The following RIMS1 variants were observed in gnomAD, a reference collection of about 807,000 sequenced individuals.
RIMS1 encodes regulating synaptic membrane exocytosis protein 1.
In RIMS1, 83 loss-of-function variants were observed where a neutral mutation model predicts 214.1. The ratio of observed to expected loss-of-function variants is 0.39; its 90% CI spans 0.32 to 0.47. The LOEUF is 0.47. RIMS1 is among the 20% of genes least tolerant of loss of function. RIMS1 has a pLI of 0.99. For missense variants in RIMS1, 2,050 were observed against 2,161.8 expected, an observed-to-expected ratio of 0.95 and a Z score of 1.03; for synonymous variants, 793 against 786.8, an observed-to-expected ratio of 1.01 and a Z score of -0.13.
At chr6:72,357,837 T>C (rs1413274144) in intron 29 of RIMS1, among the ~76,000 whole-genome samples, 1 of 152,250 alleles carries the variant, frequency 6.6e-6, no homozygotes, top group Non-Finnish European at 1.5e-5. Flanking sequence ...TTATTGGTAA[T>C]TGACAATGCT....
intron 29 of RIMS1, among the ~76,000 whole-genome samples, chr6:72,342,223 T>C (rs2097115912): frequency 6.6e-6 from 1 of 151,830 alleles, no homozygotes; most frequent in Non-Finnish European, 1.5e-5. Context: ...CACTCCACTC[T>C]CCATTTTGTC....
chr6:72,108,016 G>A lies in RIMS1; in HGVS notation c.471+8030G>A, dbSNP rs189538869. ...TTGTTTGTTTGTTTTGTTTTGTTTTGTTTTATTGTGTTTTGTTTTTGAGAC... is the reference window on the plus strand; with the variant it reads ...TTGTTTGTTTGTTTTGTTTTGTTTTATTTTATTGTGTTTTGTTTTTGAGAC... On this transcript the variant is annotated intron_variant, in intron 4 of 33. Coordinates refer to ENST00000521978, the MANE Select transcript of RIMS1 (RefSeq NM_014989.7). Among the ~76,000 whole-genome samples the A allele has an allele frequency of 5.0e-4, 76 of 152,012 alleles. 1 individual carries two copies. The highest frequency in any genetic ancestry group is 3.4e-3 in the Middle Eastern group (1 of 294).
rs1343752406 is a variant in RIMS1, at chr6:72,126,380, G to T, written c.471+26394G>T. Among the ~76,000 whole-genome samples the T allele has an allele frequency of 3.9e-5, 6 of 152,094 alleles. No individual in the cohort carries two copies. In the East Asian group the frequency reaches 1.2e-3, roughly 29 times the overall value. On this transcript the variant is annotated intron_variant, in intron 4 of 33. Transcript: ENST00000521978. ...AGTTTGGCAAAAAGTTCATGACTAA[G>T]ACCCCAAAAGCAAATGCAACAAAAA...
intron 2 of RIMS1, among the ~76,000 whole-genome samples, chr6:72,018,287 G>A (rs1253708322): frequency 3.9e-5 from 6 of 152,036 alleles, no homozygotes; most frequent in Admixed American, 6.6e-5. Flanking sequence ...TGGAGTGTAA[G>A]GAAAAAGAGT....
intron 6 of RIMS1, among the ~76,000 whole-genome samples, chr6:72,190,920 C>G (rs1442426968): frequency 6.6e-6 from 1 of 152,228 alleles, no homozygotes; most frequent in Admixed American, 6.5e-5. Context: ...GAGGCTGTCT[C>G]TCAGAAGGAG....
chr6:71,933,834 C>T (rs1023601572), intron 1 of RIMS1, among the ~76,000 whole-genome samples: 1 of 152,070 alleles, frequency 6.6e-6, no homozygotes, highest in East Asian at 1.9e-4. Flanking sequence ...CAATTACTAT[C>T]CATTTGAAAT....
At chr6:72,012,041 T>G (rs2151865668) in intron 2 of RIMS1, among the ~76,000 whole-genome samples, 1 of 152,316 alleles carries the variant, frequency 6.6e-6, no homozygotes, top group South Asian at 2.1e-4. Flanking sequence ...ATATGTTTAT[T>G]GCGGCACTAT....
At chr6:72,029,909 G>C (rs1449622407) in intron 2 of RIMS1, among the ~76,000 whole-genome samples, 1 of 152,142 alleles carries the variant, frequency 6.6e-6, no homozygotes, top group Non-Finnish European at 1.5e-5. Context: ...CATAAAAAGA[G>C]AACATGTGAG....
chr6:72,081,376 G>C (rs1008338126), intron 2 of RIMS1, among the ~76,000 whole-genome samples: 1 of 152,128 alleles, frequency 6.6e-6, no homozygotes, highest in South Asian at 2.1e-4. Flanking sequence ...GACAAAAACT[G>C]CAAGATTTTC....
chr6:72,296,914 G>A (rs2094146842), intron 26 of RIMS1, among the ~76,000 whole-genome samples: 2 of 151,620 alleles, frequency 1.3e-5, no homozygotes, highest in Admixed American at 6.6e-5. Flanking sequence ...TTTTACTTTC[G>A]ACCTTTTCCT....
At chr6:72,217,977 T>C (rs189180038) in intron 6 of RIMS1, among the ~76,000 whole-genome samples, 3 of 152,340 alleles carry the variant, frequency 2.0e-5, no homozygotes, top group East Asian at 3.9e-4. Flanking sequence ...TCTGTAGGAA[T>C]GGCAAAACAT....
At chr6:71,918,799 T>G (rs1779156495) in intron 1 of RIMS1, among the ~76,000 whole-genome samples, 1 of 152,030 alleles carries the variant, frequency 6.6e-6, no homozygotes, top group Admixed American at 6.6e-5. Flanking sequence ...GCATTGAAAC[T>G]GATAAGAGGT....
chr6:72,101,288 G>T (rs1478902568), intron 4 of RIMS1, among the ~76,000 whole-genome samples: 1 of 151,824 alleles, frequency 6.6e-6, no homozygotes, highest in East Asian at 1.9e-4. Context: ...AAAATAGAGT[G>T]GAAAGACCTG....
At chr6:72,096,751 A>G (rs1431830894) in intron 2 of RIMS1, among the ~76,000 whole-genome samples, 198 bp from the exon 3 acceptor site, 1 of 152,208 alleles carries the variant, frequency 6.6e-6, no homozygotes, top group Non-Finnish European at 1.5e-5. Flanking sequence ...GCTAATAAGC[A>G]AAACAGGGAT....
intron 2 of RIMS1, among the ~76,000 whole-genome samples, chr6:72,004,031 C>T: frequency 9.3e-6 from 1 of 107,376 alleles, no homozygotes; most frequent in South Asian, 4.1e-4. Context: ...CCCCCCACCC[C>T]AAAACAGTCC....
intron 2 of RIMS1, among the ~76,000 whole-genome samples, chr6:72,072,394 T>C (rs997622731): frequency 2.6e-4 from 39 of 152,096 alleles, no homozygotes; most frequent in African/African-American, 9.2e-4. Flanking sequence ...TAAACTGAAA[T>C]TCTATAGTCA....
chr6:72,332,768 G>A (rs908778032), intron 28 of RIMS1, among the ~76,000 whole-genome samples: 5 of 151,476 alleles, frequency 3.3e-5, no homozygotes, highest in Non-Finnish European at 7.4e-5. Flanking sequence ...GTTTACTTTG[G>A]CTAGTAGAAA....
chr6:71,899,031 A>G (rs563854281), intron 1 of RIMS1, among the ~76,000 whole-genome samples: 497 of 152,266 alleles, frequency 3.3e-3, no homozygotes, highest in Admixed American at 9.4e-3. Flanking sequence ...GGTTTTATTA[A>G]GTAAATAATA....
At chr6:71,998,521 T>C (rs1804167645) in intron 2 of RIMS1, among the ~76,000 whole-genome samples, 1 of 152,202 alleles carries the variant, frequency 6.6e-6, no homozygotes, top group Non-Finnish European at 1.5e-5. Context: ...AACTTTAATC[T>C]CTTTCCCACT....
Sources: allele counts gnomAD v4.1 joint callset (sites outside exome capture counted in the v4.1 genomes callset), GRCh38; gene constraint gnomAD v4.1.1; transcripts MANE v1.5; gene names NCBI Gene and HGNC (gene_info 2026-07-23, HGNC 2026-07-21).